PTBP3: variants seen among roughly 807,000 people sequenced by gnomAD.
PTBP3 encodes polypyrimidine tract binding protein 3, also known as polypyrimidine tract-binding protein 3.
A neutral mutation model predicts 58.7 loss-of-function variants in PTBP3; 20 were observed. The ratio of observed to expected loss-of-function variants is 0.34; its 90% CI spans 0.24 to 0.50. PTBP3 has a LOEUF of 0.50. Among genes scored for constraint, PTBP3 ranks in the 20% least tolerant of loss-of-function variants. PTBP3 has a pLI of 0.98. For missense variants in PTBP3, 509 were observed against 637.2 expected (o/e 0.80, Z 2.17); for synonymous variants, 185 against 219.8 (o/e 0.84, Z 1.40).
At chr9:112,301,253 T>C (rs1457615028) in intron 1 of PTBP3, among the ~76,000 whole-genome samples, 1 of 151,924 alleles carries the variant, frequency 6.6e-6, no homozygotes, top group Non-Finnish European at 1.5e-5. Context: ...AATTAGTCAT[T>C]AAGGAAATGC....
chr9:112,300,083 T>C (rs894837994), intron 1 of PTBP3, among the ~76,000 whole-genome samples: 6 of 152,246 alleles, frequency 3.9e-5, no homozygotes, highest in Admixed American at 1.3e-4. Context: ...ATTAAAAAGA[T>C]GGACAATATC....
chr9:112,349,820 C>T, the PTBP3 span, among the ~76,000 whole-genome samples: 21 of 127,828 alleles, frequency 1.6e-4, no homozygotes, highest in Non-Finnish European at 3.0e-4. Flanking sequence ...ACCGAGATTG[C>T]GCCACTGCAC....
intron 10 of PTBP3, among the ~76,000 whole-genome samples, chr9:112,230,357 T>C (rs923541752): frequency 3.0e-5 from 4 of 133,020 alleles, no homozygotes; most frequent in Admixed American, 7.5e-5. Flanking sequence ...TTGGAAGCAG[T>C]TTTCTATCTT....
intron 7 of PTBP3, among the ~76,000 whole-genome samples, chr9:112,238,298 T>C (rs1835513335): frequency 6.6e-6 from 1 of 152,142 alleles, no homozygotes; most frequent in African/African-American, 2.4e-5. Context: ...AAAGCCACAA[T>C]TGCTAAGATC....
the PTBP3 span, among the ~76,000 whole-genome samples, chr9:112,368,783 T>C: frequency 3.9e-5 from 6 of 152,186 alleles, no homozygotes; most frequent in African/African-American, 1.4e-4. Flanking sequence ...CAAATGTCAA[T>C]TATCAAGACA....
intron 7 of PTBP3, among the ~76,000 whole-genome samples, chr9:112,238,444 T>G (rs756119104): frequency 6.6e-6 from 1 of 152,134 alleles, no homozygotes; most frequent in Non-Finnish European, 1.5e-5. Context: ...GAGGACAGTA[T>G]GGGGGTATAA....
chr9:112,278,512 G>A lies in PTBP3; in HGVS notation c.35-2499C>T, dbSNP rs574592466. ...TCCAACAAGAATGAAAGAACACTAA[G>A]AAAGCTGTTTCTTTAACAGAGGTAT... On this transcript the variant is annotated intron_variant, in intron 2 of 13. Coordinates refer to ENST00000374257, the MANE Select transcript of PTBP3 (RefSeq NM_001163788.4). Among the ~76,000 whole-genome samples the A allele has an allele frequency of 3.3e-5, 5 of 152,080 alleles. No homozygotes were observed. In the East Asian group the frequency reaches 5.8e-4, roughly 18 times the overall value.
chr9:112,369,392 G>A, the PTBP3 span, among the ~76,000 whole-genome samples: 143,992 of 152,280 alleles, frequency 0.95, 68,194 homozygotes, highest in African/African-American at 0.99. Flanking sequence ...AAGACCATGA[G>A]AACTCACCAC....
Position 112,277,625 on chromosome 9 carries a change from G to A in PTBP3, c.35-1612C>T, listed in dbSNP as rs182388233. On this transcript the variant is annotated intron_variant, in intron 2 of 13. Coordinates refer to ENST00000374257, the MANE Select transcript of PTBP3 (RefSeq NM_001163788.4). ...TAATCCCAGCACTTTGGGAGGCTGA[G>A]GTGGGCTGATCACCTGCAGTCAGGA... Among the ~76,000 whole-genome samples, 27 of 152,136 alleles carry A rather than the reference G, an allele frequency of 1.8e-4. 1 individual carries two copies. The highest frequency in any genetic ancestry group is 1.2e-3 in the Admixed American group (19 of 15,258).
intron 7 of PTBP3, among the ~76,000 whole-genome samples, chr9:112,235,645 G>A (rs1004855223): frequency 1.3e-5 from 2 of 152,148 alleles, no homozygotes; most frequent in Non-Finnish European, 2.9e-5. Flanking sequence ...ATGGCCAAAA[G>A]TGGAAATAAG....
intron 2 of PTBP3, among the ~76,000 whole-genome samples, chr9:112,278,873 A>C (rs1401747711): frequency 6.6e-6 from 1 of 152,222 alleles, no homozygotes; most frequent in African/African-American, 2.4e-5. Context: ...AGTACACTGT[A>C]ATCAATAATA....
At chr9:112,286,255 C>T (rs1589867389) in intron 2 of PTBP3, among the ~76,000 whole-genome samples, 1 of 152,282 alleles carries the variant, frequency 6.6e-6, no homozygotes, top group East Asian at 1.9e-4. Flanking sequence ...TTTATCTAAA[C>T]AATCTTTTAA....
intron 3 of PTBP3, among the ~76,000 whole-genome samples, chr9:112,271,620 A>G (rs1461116467): frequency 6.6e-6 from 1 of 152,046 alleles, no homozygotes; most frequent in East Asian, 1.9e-4. Flanking sequence ...TAGGTTCTCA[A>G]GAGGCTGAGG....
chr9:112,314,540 T>C (rs1009817579), intron 1 of PTBP3, among the ~76,000 whole-genome samples: 12 of 151,938 alleles, frequency 7.9e-5, no homozygotes, highest in African/African-American at 2.9e-4. Flanking sequence ...TACAAAAATT[T>C]AAAAATTAGC....
intron 4 of PTBP3, among the ~76,000 whole-genome samples, chr9:112,267,379 G>A (rs1219043312): frequency 6.6e-6 from 1 of 152,024 alleles, no homozygotes; most frequent in Non-Finnish European, 1.5e-5. Context: ...GTGTTAGCCA[G>A]GATGGTCTCG....
the PTBP3 span, among the ~76,000 whole-genome samples, chr9:112,375,512 C>A: frequency 6.6e-6 from 1 of 152,130 alleles, no homozygotes; most frequent in Non-Finnish European, 1.5e-5. Flanking sequence ...CATCTGTGAA[C>A]CGGGCCCTAG....
At chr9:112,347,046 C>A in the PTBP3 span, among the ~76,000 whole-genome samples, 1 of 152,122 alleles carries the variant, frequency 6.6e-6, no homozygotes, top group Non-Finnish European at 1.5e-5. Flanking sequence ...ACCTAGAGCA[C>A]CAGATGTATA....
chr9:112,309,210 T>A (rs950948687), intron 1 of PTBP3, among the ~76,000 whole-genome samples: 17 of 152,204 alleles, frequency 1.1e-4, no homozygotes, highest in Non-Finnish European at 1.5e-4. Flanking sequence ...CTTTTTTTTT[T>A]AAATTAATAG....
chr9:112,230,598 C>G (rs537805113), intron 10 of PTBP3, among the ~76,000 whole-genome samples: 1 of 152,222 alleles, frequency 6.6e-6, no homozygotes, highest in African/African-American at 2.4e-5. Context: ...TATGATTTAT[C>G]TTCTTCAGCT....
Sources: allele counts gnomAD v4.1 joint callset (sites outside exome capture counted in the v4.1 genomes callset), GRCh38; gene constraint gnomAD v4.1.1; transcripts MANE v1.5; gene names NCBI Gene and HGNC (gene_info 2026-07-23, HGNC 2026-07-21).